The following CTNNBL1 variants were observed in gnomAD, a reference collection of about 807,000 sequenced individuals.
The protein encoded by CTNNBL1 is catenin beta like 1.
In CTNNBL1, 31 loss-of-function variants were observed where a neutral mutation model predicts 72.7. The observed-to-expected ratio is 0.43, with a 90% CI of 0.32 to 0.58. The LOEUF is 0.58. Ranked by LOEUF, CTNNBL1 falls within the 20% of genes least tolerant of loss-of-function variation. CTNNBL1 has a pLI of 0.08. For synonymous variants in CTNNBL1, 240 were observed against 267.3 expected (o/e 0.90, Z 1.00); for missense variants, 534 against 725.1 (o/e 0.74, Z 3.03).
intron 11 of CTNNBL1, among the ~76,000 whole-genome samples, chr20:37,808,255 G>A (rs151179076): frequency 0.013 from 1,911 of 152,286 alleles, 19 homozygotes; most frequent in Middle Eastern, 0.024. Context: ...CACATATCAG[G>A]AAGCATACGG....
intron 10 of CTNNBL1, among the ~76,000 whole-genome samples, chr20:37,796,461 T>C (rs937020714): frequency 6.6e-6 from 1 of 152,136 alleles, no homozygotes; most frequent in East Asian, 1.9e-4. Context: ...TTTTTTTTTT[T>C]TTAACTTTCA....
In CTNNBL1 at chr20:37,859,781, T is replaced by C; in HGVS notation, c.1393-118T>C. ...TAGACAAATCAAAAAGATGAGGTGA[T>C]TTTCTTTTGCTGTTGTTATAGTTGC... On this transcript the variant is annotated intron_variant, in intron 13 of 15. Transcript: ENST00000361383. The C allele has an allele frequency of 2.1e-6, 2 of 970,262 alleles. 1 individual carries two copies. The highest frequency in any genetic ancestry group is 3.4e-5 in the South Asian group (2 of 58,534). The allele number at this position is 970,262 out of a possible 1,614,324, so 60.1% of individuals were successfully genotyped here.
intron 1 of CTNNBL1, among the ~76,000 whole-genome samples, chr20:37,729,067 T>G (rs1005419431): frequency 5.3e-5 from 8 of 152,238 alleles, no homozygotes; most frequent in Non-Finnish European, 1.0e-4. Context: ...TAGTAAGTTA[T>G]TTGTTGAATT....
chr20:37,848,089 C>G (rs1057262712), intron 13 of CTNNBL1, among the ~76,000 whole-genome samples: 3 of 150,824 alleles, frequency 2.0e-5, no homozygotes, highest in African/African-American at 7.3e-5. Flanking sequence ...GATTCTGGGG[C>G]AAGCTTTGAA....
At chr20:37,745,475 G>A (rs1162684905) in intron 3 of CTNNBL1, among the ~76,000 whole-genome samples, 2 of 152,162 alleles carry the variant, frequency 1.3e-5, no homozygotes, top group African/African-American at 2.4e-5. Flanking sequence ...TACTTACATA[G>A]TGCTTTTTAT....
chr20:37,777,482 C>G, intron 8 of CTNNBL1, 65 bp downstream of exon 8: 1 of 1,524,072 alleles, frequency 6.6e-7, no homozygotes, highest in Admixed American at 1.7e-5. Flanking sequence ...CAGATCATGA[C>G]AGCAAGCTCT....
chr20:37,696,733 G>A (rs1017871792), intron 1 of CTNNBL1, among the ~76,000 whole-genome samples: 1 of 151,978 alleles, frequency 6.6e-6, no homozygotes, highest in Admixed American at 6.5e-5. Context: ...GTGAGCCACT[G>A]CCCCTGGCCA....
At chr20:37,844,116 A>G (rs1299486307) in intron 13 of CTNNBL1, among the ~76,000 whole-genome samples, 1 of 152,224 alleles carries the variant, frequency 6.6e-6, no homozygotes, top group South Asian at 2.1e-4. Context: ...TCTGAATGAT[A>G]ATTAGAAACA....
intron 7 of CTNNBL1, among the ~76,000 whole-genome samples, chr20:37,772,820 G>A (rs969696689): frequency 2.4e-4 from 37 of 152,284 alleles, no homozygotes; most frequent in African/African-American, 8.4e-4. Context: ...GCACACTGGT[G>A]ACAGCATTCT....
Position 37,745,699 on chromosome 20 carries a change from G to T in CTNNBL1, c.327-769G>T, listed in dbSNP as rs1246951904. On this transcript the variant is annotated intron_variant, in intron 3 of 15. Coordinates refer to ENST00000361383, the MANE Select transcript of CTNNBL1 (RefSeq NM_030877.5). ...TCTCAGTCACTCTCAGTCAGGTATT[G>T]TTCAGTTGCCTTACACCAGATTAGC... 6.6e-5 allele frequency among the ~76,000 whole-genome samples: 10 copies of T among 152,252 alleles called. No individual in the cohort carries two copies. The East Asian group carries it at 1.7e-3, about 27-fold the overall frequency.
At chr20:37,779,442 A>G (rs2073606670) in intron 10 of CTNNBL1, 107 bp downstream of exon 10, 2 of 1,321,052 alleles carry the variant, frequency 1.5e-6, no homozygotes, top group East Asian at 4.6e-5. Flanking sequence ...TGGGTTTCCT[A>G]GACTTTACCC....
At chr20:37,744,868 G>C (rs1287628623) in intron 3 of CTNNBL1, among the ~76,000 whole-genome samples, 2 of 152,088 alleles carry the variant, frequency 1.3e-5, no homozygotes, top group African/African-American at 4.8e-5. Flanking sequence ...TAAACATACA[G>C]GCAAACATAC....
chr20:37,829,315 T>C (rs1350476544), intron 11 of CTNNBL1, among the ~76,000 whole-genome samples: 1 of 152,196 alleles, frequency 6.6e-6, no homozygotes, highest in East Asian at 1.9e-4. Context: ...GATATGGGCC[T>C]GATGGTTGGA....
intron 1 of CTNNBL1, among the ~76,000 whole-genome samples, chr20:37,714,958 A>G (rs1484746562): frequency 6.6e-6 from 1 of 152,146 alleles, no homozygotes; most frequent in Non-Finnish European, 1.5e-5. Context: ...GATTTTGACT[A>G]CCAAAGTCCA....
At chr20:37,707,078 T>C (rs1235499630) in intron 1 of CTNNBL1, among the ~76,000 whole-genome samples, 1 of 152,218 alleles carries the variant, frequency 6.6e-6, no homozygotes, top group Non-Finnish European at 1.5e-5. Context: ...TGTAAACAGA[T>C]ATGCTGTCAT....
At chr20:37,733,214 A>G (rs1273723811) in intron 2 of CTNNBL1, 147 bp downstream of exon 2, 4 of 700,080 alleles carry the variant, frequency 5.7e-6, no homozygotes, top group Non-Finnish European at 9.4e-6. Context: ...TGTGAAGGTT[A>G]AGTGGGCTAG....
chr20:37,837,136 T>C (rs2072261443), intron 11 of CTNNBL1, among the ~76,000 whole-genome samples: 1 of 152,202 alleles, frequency 6.6e-6, no homozygotes, highest in Non-Finnish European at 1.5e-5. Flanking sequence ...CTCGTTGGCA[T>C]ACACAAAGGT....
Position 37,871,939 on chromosome 20 carries a change from A to T in CTNNBL1, c.1618A>T (p.Ile540Phe). 6.2e-7 allele frequency: 1 copy of T among 1,614,044 alleles called. No homozygotes were observed. The highest frequency in any genetic ancestry group is 8.5e-7 in the Non-Finnish European group (1 of 1,179,938). The change falls in exon 16 of 16, where the codon ATC (isoleucine) becomes TTC (phenylalanine). Residue 540 changes from isoleucine (I) to phenylalanine (F), a missense_variant. By Grantham distance (21) the Ile-to-Phe change is conservative. Transcript: ENST00000361383. ...RHIIKEYAEN[I>F]GDGRSPEFRE... ...TGTCCCCCTAGAGTATGCAGAGAAC[A>T]TCGGGGACGGCCGGAGCCCGGAGTT...
intron 1 of CTNNBL1, chr20:37,727,386 C>G (rs925124068): frequency 2.3e-5 from 23 of 981,244 alleles, no homozygotes; most frequent in African/African-American, 2.1e-4. Context: ...TATCGTGAAG[C>G]CTACTCTGAG....
Sources: allele counts gnomAD v4.1 joint callset (sites outside exome capture counted in the v4.1 genomes callset), GRCh38; gene constraint gnomAD v4.1.1; transcripts MANE v1.5; gene names NCBI Gene and HGNC (gene_info 2026-07-23, HGNC 2026-07-21).